Variants in CCDC91 observed in about 807,000 individuals in gnomAD.
The protein encoded by CCDC91 is coiled-coil domain-containing protein 91.
In CCDC91, 48 loss-of-function variants were observed where a neutral mutation model predicts 63.2. The ratio of observed to expected loss-of-function variants is 0.76; its 90% CI spans 0.60 to 0.97. The LOEUF (loss-of-function observed/expected upper bound fraction) is 0.97. CCDC91 is among the 50% of genes least tolerant of loss of function. The probability of loss-of-function intolerance (pLI) is 0.00; values close to 1 mark genes in which losing one functional copy is unlikely to be tolerated. For synonymous variants in CCDC91, 167 were observed against 165.8 expected, an observed-to-expected ratio of 1.01 and a Z score of -0.06; for missense variants, 500 against 494.6, an observed-to-expected ratio of 1.01 and a Z score of -0.10.
chr12:28,393,863 A>G (rs1035237100), intron 8 of CCDC91, among the ~76,000 whole-genome samples: 1 of 152,176 alleles, frequency 6.6e-6, no homozygotes, highest in African/African-American at 2.4e-5. Flanking sequence ...GGAGTTATTA[A>G]AAGGATTCAG....
At chr12:28,386,715 A>T (rs544711908) in intron 7 of CCDC91, among the ~76,000 whole-genome samples, 20 of 152,338 alleles carry the variant, frequency 1.3e-4, no homozygotes, top group Admixed American at 3.9e-4. Context: ...TTAGTGAATT[A>T]AATCCTCTTG....
chr12:28,503,019 A>T (rs1229408253), intron 12 of CCDC91, among the ~76,000 whole-genome samples: 2 of 152,152 alleles, frequency 1.3e-5, no homozygotes, highest in South Asian at 2.1e-4. Flanking sequence ...GGACATAGGC[A>T]TGGGCAAGGA....
chr12:28,204,561 C>T (rs902390532), intron 1 of CCDC91, among the ~76,000 whole-genome samples: 1 of 152,094 alleles, frequency 6.6e-6, no homozygotes, highest in Non-Finnish European at 1.5e-5. Context: ...ATGCAAAGGA[C>T]CTGCTTTATA....
intron 8 of CCDC91, among the ~76,000 whole-genome samples, chr12:28,415,373 A>G (rs975146950): frequency 6.6e-6 from 1 of 151,852 alleles, no homozygotes; most frequent in Non-Finnish European, 1.5e-5. Flanking sequence ...ATAGGCATGC[A>G]CCACCGTGCC....
At chr12:28,218,847 A>C (rs1943744565) in intron 1 of CCDC91, among the ~76,000 whole-genome samples, 1 of 152,110 alleles carries the variant, frequency 6.6e-6, no homozygotes. Context: ...GTAACATTGT[A>C]TGGATGTACC....
chr12:28,446,433 G>T (rs2140284031), intron 8 of CCDC91, among the ~76,000 whole-genome samples: 1 of 152,148 alleles, frequency 6.6e-6, no homozygotes, highest in East Asian at 1.9e-4. Context: ...CAAATAAAAA[G>T]AAACTTCAAG....
chr12:28,248,031 G>T (rs906673743), intron 1 of CCDC91, among the ~76,000 whole-genome samples: 1 of 152,164 alleles, frequency 6.6e-6, no homozygotes, highest in Non-Finnish European at 1.5e-5. Flanking sequence ...GTTCCTAACA[G>T]GCCAAGGACC....
At chr12:28,349,575 A>G (rs982757272) in intron 6 of CCDC91, among the ~76,000 whole-genome samples, 8 of 152,016 alleles carry the variant, frequency 5.3e-5, no homozygotes, top group African/African-American at 1.9e-4. Context: ...CCACATTTTT[A>G]TTTTATACTG....
chr12:28,464,995 T>C (rs1950482792), intron 11 of CCDC91, among the ~76,000 whole-genome samples: 1 of 152,100 alleles, frequency 6.6e-6, no homozygotes. Context: ...AGGCAGCATA[T>C]GCTACAAGCT....
chr12:28,523,410 T>G (rs1393411216), intron 12 of CCDC91, among the ~76,000 whole-genome samples: 1 of 152,182 alleles, frequency 6.6e-6, no homozygotes, highest in Non-Finnish European at 1.5e-5. Context: ...TGCCTTTTTT[T>G]GTTTTCCATT....
At position 28,218,742 on chromosome 12, in the gene CCDC91, T is replaced by C. The variant is rs141251057; in HGVS notation, c.-15+28101T>C. Among the ~76,000 whole-genome samples the C allele has an allele frequency of 1.1e-4, 17 of 152,094 alleles. No individual in the cohort carries two copies. In the East Asian group the frequency reaches 1.9e-3, roughly 17 times the overall value. On this transcript the variant is annotated intron_variant, in intron 1 of 12. Transcript: ENST00000536442. ...GTGTGTGTGTGTGTATGTATGTATG[T>C]GTGTGTGTACGTATTTGGTTTCTTT...
At chr12:28,439,923 A>G (rs561406336) in intron 8 of CCDC91, among the ~76,000 whole-genome samples, 2 of 151,724 alleles carry the variant, frequency 1.3e-5, no homozygotes, top group African/African-American at 4.8e-5. Flanking sequence ...TTAAGTATCT[A>G]ATGTATTAGT....
chr12:28,394,728 C>G (rs1456299909), intron 8 of CCDC91, among the ~76,000 whole-genome samples: 1 of 151,924 alleles, frequency 6.6e-6, no homozygotes, highest in Non-Finnish European at 1.5e-5. Flanking sequence ...CTCTCTCTCT[C>G]TCTCCCCCTT....
At chr12:28,405,946 TA>T (rs68032914) in intron 8 of CCDC91, among the ~76,000 whole-genome samples, 30,661 of 151,990 alleles carry the variant, frequency 0.2, 4,067 homozygotes, top group Non-Finnish European at 0.3. Context: ...GTATGTTTTG[TA>T]AAAAAAATCT....
intron 12 of CCDC91, among the ~76,000 whole-genome samples, chr12:28,498,016 A>G (rs772717767): frequency 6.6e-6 from 1 of 151,576 alleles, no homozygotes; most frequent in Non-Finnish European, 1.5e-5. Context: ...CCATGGAACT[A>G]AACAAACATG....
chr12:28,227,514 C>A (rs1226264244), intron 1 of CCDC91, among the ~76,000 whole-genome samples: 1 of 151,780 alleles, frequency 6.6e-6, no homozygotes, highest in Non-Finnish European at 1.5e-5. Context: ...TTATTGAAAC[C>A]TCGAACTCAA....
At chr12:28,529,043 A>T (rs1941521858) in intron 12 of CCDC91, among the ~76,000 whole-genome samples, 1 of 152,112 alleles carries the variant, frequency 6.6e-6, no homozygotes, top group East Asian at 1.9e-4. Flanking sequence ...ATAAAAGTAT[A>T]TTTAAATAAG....
At chr12:28,532,299 T>C (rs955134449) in intron 12 of CCDC91, among the ~76,000 whole-genome samples, 3 of 152,120 alleles carry the variant, frequency 2.0e-5, no homozygotes, top group African/African-American at 7.2e-5. Context: ...CTAATATGTC[T>C]AGTGAAATGT....
At chr12:28,252,900 G>A (rs1946215124) in intron 1 of CCDC91, among the ~76,000 whole-genome samples, 1 of 152,088 alleles carries the variant, frequency 6.6e-6, no homozygotes. Flanking sequence ...TGCTTCATCT[G>A]TTTTAACATA....
Sources: gnomAD v4.1 joint callset for allele counts (sites outside exome capture counted in the v4.1 genomes callset) on GRCh38, gnomAD v4.1.1 for gene constraint, MANE v1.5 for transcripts, NCBI Gene and HGNC (gene_info 2026-07-23, HGNC 2026-07-21) for gene names.